Variants in MCM10 observed in about 807,000 individuals in gnomAD.
MCM10 encodes the protein protein MCM10 homolog.
Under a neutral mutation model 109.9 loss-of-function variants are expected in MCM10, and 91 were observed. The ratio of observed to expected loss-of-function variants is 0.83; its 90% CI spans 0.70 to 0.99. MCM10 has a LOEUF of 0.99. MCM10 is among the 50% of genes least tolerant of loss of function. MCM10 has a pLI of 0.00. For synonymous variants in MCM10, 380 were observed against 387.2 expected (o/e 0.98, Z 0.22); for missense variants, 1,077 against 1,061.2 (o/e 1.01, Z -0.21).
rs781204418 is a variant in MCM10 at position 13,175,686 on chromosome 10, G to A, written c.764+5G>A. 94 of 1,585,858 alleles carry A rather than the reference G, an allele frequency of 5.9e-5. No individual in the cohort carries two copies. The highest frequency in any genetic ancestry group is 8.1e-5 in the Non-Finnish European group (94 of 1,164,542). The stretch of plus-strand genomic sequence containing the variant: ...CTTCTCTGGTCTGCGGCTCAGGTCA[G>A]TAGCTAAACCATCTATTCATGTGCG... On this transcript the variant is annotated splice_donor_5th_base_variant and intron_variant, in intron 6 of 19. Coordinates refer to ENST00000378714, the MANE Select transcript of MCM10 (RefSeq NM_018518.5).
intron 10 of MCM10, 134 bp downstream of exon 10, chr10:13,189,214 A>G: frequency 1.1e-6 from 1 of 919,134 alleles, no homozygotes; most frequent in South Asian, 1.7e-5. Context: ...ACTTGAAACA[A>G]GTTGGTTAAA....
rs1834132425 is a variant in MCM10 at position 13,175,645 on chromosome 10, C to T, written c.728C>T (p.Pro243Leu). 1 of 1,612,420 alleles carries T rather than the reference C, an allele frequency of 6.2e-7. No homozygotes were observed. The highest frequency in any genetic ancestry group is 1.1e-5 in the South Asian group (1 of 90,948). Residue 243 changes from proline to leucine, a missense_variant, in exon 6 of 20, where the codon CCC becomes CTC. By Grantham distance (98) the Pro-to-Leu change is moderately conservative. Transcript: ENST00000378714. ...TPGSSGETTQ[P>L]ICVEAFSGLR... ...GGAAGTTCTGGGGAAACGACTCAAC[C>T]CATCTGTGTGGAAGCCTTCTCTGGT...
chr10:13,162,803 G>A (rs562733921), intron 1 of MCM10, among the ~76,000 whole-genome samples: 10 of 152,348 alleles, frequency 6.6e-5, no homozygotes, highest in Admixed American at 5.2e-4. Flanking sequence ...AAAGCGGCCA[G>A]GCGCGGTGGC....
intron 2 of MCM10, among the ~76,000 whole-genome samples, chr10:13,167,379 C>T (rs369489862): frequency 6.6e-6 from 1 of 151,988 alleles, no homozygotes; most frequent in Non-Finnish European, 1.5e-5. Context: ...CTAGAGTGAG[C>T]GGGCTGAAAG....
chr10:13,204,116 T>C, intron 17 of MCM10, 103 bp from the exon 18 acceptor site: 1 of 1,401,302 alleles, frequency 7.1e-7, no homozygotes, highest in Non-Finnish European at 9.8e-7. Context: ...CAGGTAGTGA[T>C]GAGAGACCAG....
intron 7 of MCM10, among the ~76,000 whole-genome samples, chr10:13,181,061 G>A (rs867620013): frequency 6.6e-6 from 1 of 152,204 alleles, no homozygotes; most frequent in Non-Finnish European, 1.5e-5. Flanking sequence ...TATTACCAAA[G>A]ATCTAACAAG....
rs56970638 is a variant in MCM10, at chr10:13,204,990, GTATGTATGTA to G, written c.2498+628_2498+637del. On this transcript the variant is annotated intron_variant, in intron 18 of 19. Transcript: ENST00000378714. ...ATTTTTTATTGTGCTTCTCATGTATGTATGTATGTATGTATATATATATATATATATATAT... is the reference window on the plus strand; with the variant it reads ...ATTTTTTATTGTGCTTCTCATGTATGTGTATATATATATATATATATATAT... Among the ~76,000 whole-genome samples, 308 of 118,546 alleles carry G rather than the reference GTATGTATGTA, an allele frequency of 2.6e-3. 9 individuals carry two copies. Among genetic ancestry groups the G allele is most frequent in the African/African-American group, 0.011 (238 of 21,724 alleles). 77.8% of individuals were successfully genotyped at this position (118,546 alleles called of 152,430 possible). A position where few individuals can be genotyped will look rare whatever the true frequency, so the allele number is the denominator to read the frequency against.
rs546969314 is a variant in MCM10, at chr10:13,165,047, A to T, written c.7+838A>T. Among the ~76,000 whole-genome samples the T allele has an allele frequency of 7.9e-4, 120 of 152,310 alleles. 1 individual carries two copies. In the South Asian group the frequency reaches 0.025, roughly 31 times the overall value. ...TGAAATTCCTCACACTGTGATGCACAGTGGACCCCCGTTGTCCCTGAGAGA... is the reference window on the plus strand; with the variant it reads ...TGAAATTCCTCACACTGTGATGCACTGTGGACCCCCGTTGTCCCTGAGAGA... On this transcript the variant is annotated intron_variant, in intron 2 of 19. Transcript: ENST00000378714.
chr10:13,199,671 T>C (rs1834470978), intron 16 of MCM10, among the ~76,000 whole-genome samples: 1 of 152,190 alleles, frequency 6.6e-6, no homozygotes, highest in South Asian at 2.1e-4. Flanking sequence ...AGATTTGTGA[T>C]AAAGATACAG....
chr10:13,178,979 C>G (rs1834175724), intron 6 of MCM10, among the ~76,000 whole-genome samples: 1 of 152,116 alleles, frequency 6.6e-6, no homozygotes, highest in African/African-American at 2.4e-5. Context: ...AATGGGATTA[C>G]TTTCTTGATT....
intron 9 of MCM10, 120 bp downstream of exon 9, chr10:13,186,400 C>G: frequency 1.6e-6 from 1 of 620,606 alleles, no homozygotes; most frequent in South Asian, 2.0e-5. Flanking sequence ...AAGGAAGAGT[C>G]AAAATGAGAA....
chr10:13,195,299 G>A, intron 14 of MCM10, 30 bp downstream of exon 14: 1 of 1,532,488 alleles, frequency 6.5e-7, no homozygotes, highest in South Asian at 1.2e-5. Flanking sequence ...TTTAGCACTT[G>A]AGTTTGCATT....
At chr10:13,198,318 T>A (rs1834450239) in intron 15 of MCM10, among the ~76,000 whole-genome samples, 1 of 152,258 alleles carries the variant, frequency 6.6e-6, no homozygotes, top group Admixed American at 6.5e-5. Flanking sequence ...AAGATTTACT[T>A]TGACAGAACT....
intron 18 of MCM10, among the ~76,000 whole-genome samples, chr10:13,205,266 G>T (rs999287316): frequency 2.0e-5 from 3 of 151,952 alleles, no homozygotes; most frequent in African/African-American, 7.3e-5. Context: ...CCATTTGTAA[G>T]TGGGTACATG....
intron 6 of MCM10, among the ~76,000 whole-genome samples, chr10:13,179,728 T>TA (rs1041253942): frequency 9.9e-5 from 15 of 152,066 alleles, no homozygotes; most frequent in African/African-American, 2.4e-4. Context: ...ATGTTGTCTT[T>TA]AAAAAAAATT....
At chr10:13,170,857 G>T (rs1484895741) in intron 2 of MCM10, 65 bp from the exon 3 acceptor site, 12 of 1,437,300 alleles carry the variant, frequency 8.3e-6, no homozygotes, top group African/African-American at 1.4e-5. Context: ...CATTTAAATT[G>T]CCTAAAGTTG....
intron 2 of MCM10, among the ~76,000 whole-genome samples, chr10:13,166,661 CATATATAT>C (rs60500036): frequency 1.0e-4 from 9 of 89,670 alleles, no homozygotes; most frequent in South Asian, 3.1e-4. Flanking sequence ...TACATACATA[CATATATAT>C]ATATATATAT....
At chr10:13,203,067 A>G (rs1438476688) in intron 17 of MCM10, among the ~76,000 whole-genome samples, 1 of 151,524 alleles carries the variant, frequency 6.6e-6, no homozygotes, top group Non-Finnish European at 1.5e-5. Context: ...CTGGTCTGGA[A>G]CTCCTGACTT....
chr10:13,192,440 T>C lies in MCM10; in HGVS notation c.1628-11T>C. On this transcript the variant is annotated splice_polypyrimidine_tract_variant and intron_variant, in intron 12 of 19. Transcript: ENST00000378714. Reference sequence around the variant, plus strand: ...CCCAGGGCACCCCCTCAGTCTGGGCTTCTGTTTCAGGGATTATGGGGAGCC... The same window carrying C: ...CCCAGGGCACCCCCTCAGTCTGGGCCTCTGTTTCAGGGATTATGGGGAGCC... The C allele has an allele frequency of 1.2e-6, 2 of 1,614,128 alleles. No homozygotes were observed. The highest frequency in any genetic ancestry group is 1.7e-6 in the Non-Finnish European group (2 of 1,179,954).
Sources: allele counts gnomAD v4.1 joint callset (sites outside exome capture counted in the v4.1 genomes callset), GRCh38; gene constraint gnomAD v4.1.1; transcripts MANE v1.5; gene names NCBI Gene and HGNC (gene_info 2026-07-23, HGNC 2026-07-21).